Variants in TRAPPC10 observed in about 807,000 individuals in gnomAD.
The protein encoded by TRAPPC10 is trafficking protein particle complex subunit 10.
Under a neutral mutation model 125.5 loss-of-function variants are expected in TRAPPC10, and 23 were observed. The observed-to-expected ratio is 0.18, with a 90% CI of 0.13 to 0.26. The LOEUF (loss-of-function observed/expected upper bound fraction) is 0.26, where lower values mean the gene tolerates loss of function less well. Ranked by LOEUF, TRAPPC10 falls within the 10% of genes least tolerant of loss-of-function variation. The pLI is 1.00. For missense variants in TRAPPC10, 1,123 were observed against 1,308.4 expected, an observed-to-expected ratio of 0.86 and a Z score of 2.19; for synonymous variants, 509 against 518.0, an observed-to-expected ratio of 0.98 and a Z score of 0.24.
chr21:44,012,364 A>G lies in TRAPPC10; in HGVS notation c.-130A>G. On this transcript the variant is annotated 5_prime_UTR_variant, in exon 1 of 23. Coordinates refer to ENST00000291574, the MANE Select transcript of TRAPPC10 (RefSeq NM_003274.5). ...CAGCAGCGGGCGGCAGCTGCGGCGC[A>G]ACCGGCTCCGGAGCTGCCTGGCGCG... The G allele has an allele frequency of 2.8e-6, 1 of 360,120 alleles. No homozygotes were observed. Among genetic ancestry groups the G allele is most frequent in the Non-Finnish European group, 3.9e-6 (1 of 258,590 alleles). The allele number at this position is 360,120 out of a possible 1,614,324, so 22.3% of individuals were successfully genotyped here. A position where few individuals can be genotyped will look rare whatever the true frequency, so the allele number is the denominator to read the frequency against.
rs943221945 is a variant in TRAPPC10 at position 44,041,361 on chromosome 21, ATAT to A, written c.285+3437_285+3439del. Among the ~76,000 whole-genome samples the A allele has an allele frequency of 4.8e-4, 73 of 152,098 alleles. 1 individual carries two copies. In the Middle Eastern group the frequency reaches 0.021, roughly 43 times the overall value. On this transcript the variant is annotated intron_variant, in intron 3 of 22. Transcript: ENST00000291574. ...TTGTAAAACTTACTTTCATTGAGGT[ATAT>A]TAAGTGGTCTTTCTTTACTTTTTTT...
At chr21:44,055,989 C>G in intron 5 of TRAPPC10, 96 bp downstream of exon 5, 1 of 1,117,364 alleles carries the variant, frequency 8.9e-7, no homozygotes, top group East Asian at 2.4e-5. Flanking sequence ...AGGCACCTCT[C>G]GTGGTAATCT....
intron 1 of TRAPPC10, 76 bp downstream of exon 1, chr21:44,012,636 C>T (rs2031250526): frequency 1.5e-6 from 2 of 1,345,794 alleles, no homozygotes; most frequent in South Asian, 1.3e-5. Context: ...CCCGGCGCCC[C>T]CAGACCTTCA....
At chr21:44,068,502 T>G (rs1368852756) in intron 7 of TRAPPC10, among the ~76,000 whole-genome samples, 1 of 152,094 alleles carries the variant, frequency 6.6e-6, no homozygotes, top group Non-Finnish European at 1.5e-5. Flanking sequence ...TAGGACCTAG[T>G]GAGGCAGAGG....
At position 44,079,592 on chromosome 21, in the gene TRAPPC10, A is replaced by G; in HGVS notation, c.1498A>G (p.Ile500Val). Residue 500 changes from isoleucine to valine, a missense_variant, in exon 12 of 23, where the codon ATC (isoleucine) becomes GTC (valine). By Grantham distance (29) the Ile-to-Val change is conservative (BLOSUM62 3). Coordinates refer to ENST00000291574, the MANE Select transcript of TRAPPC10 (RefSeq NM_003274.5). The part of the protein sequence containing the change: ...MRKKAPQKAE[I>V]YLQGALKNYL... Reference sequence around the variant, plus strand: ...GAAAAAGGCTCCACAAAAGGCAGAAATCTATCTTCAAGGAGCACTGAAAAA... The same window carrying G: ...GAAAAAGGCTCCACAAAAGGCAGAAGTCTATCTTCAAGGAGCACTGAAAAA... The G allele has an allele frequency of 1.9e-6, 3 of 1,602,098 alleles. No individual in the cohort carries two copies. Among genetic ancestry groups the G allele is most frequent in the Non-Finnish European group, 2.5e-6 (3 of 1,177,278 alleles).
At chr21:44,093,856 T>A (rs1027408975) in intron 19 of TRAPPC10, among the ~76,000 whole-genome samples, 1 of 152,230 alleles carries the variant, frequency 6.6e-6, no homozygotes. Context: ...TGTACAATCT[T>A]CTGCTGGGAC....
rs548541789 is a variant in TRAPPC10, at chr21:44,072,624, C to T, written c.1039-1700C>T. On this transcript the variant is annotated intron_variant, in intron 7 of 22. Coordinates refer to ENST00000291574, the MANE Select transcript of TRAPPC10 (RefSeq NM_003274.5). ...GATTACAGGTGCATGCCACCACACC[C>T]GGCTAATTTTTGTATTTTTAGTAGA... is the stretch of plus-strand genomic sequence containing the variant. 7.9e-5 allele frequency among the ~76,000 whole-genome samples: 12 copies of T among 152,216 alleles called. No individual in the cohort carries two copies. In the South Asian group the frequency reaches 1.7e-3, roughly 21 times the overall value.
At chr21:44,067,043 TTTCA>T (rs1380949523) in intron 7 of TRAPPC10, among the ~76,000 whole-genome samples, 2 of 152,182 alleles carry the variant, frequency 1.3e-5, no homozygotes, top group African/African-American at 2.4e-5. Context: ...TTGGAATGTG[TTTCA>T]TTCAGCGTTT....
intron 4 of TRAPPC10, among the ~76,000 whole-genome samples, chr21:44,054,942 G>A (rs973955313): frequency 1.3e-5 from 2 of 152,120 alleles, no homozygotes; most frequent in Non-Finnish European, 2.9e-5. Context: ...AGAGGAGAGC[G>A]GGAGAAGGTC....
intron 11 of TRAPPC10, among the ~76,000 whole-genome samples, chr21:44,078,954 A>C (rs1252377475): frequency 6.6e-6 from 1 of 152,156 alleles, no homozygotes; most frequent in Non-Finnish European, 1.5e-5. Flanking sequence ...TTTAAAAAAA[A>C]CAGTTGTGCT....
chr21:44,046,522 TGGG>T (rs35262400), intron 3 of TRAPPC10: 97 of 163,066 alleles, frequency 5.9e-4, no homozygotes, highest in African/African-American at 1.8e-3. Flanking sequence ...TTTTTTTTTT[TGGG>T]GGGAGGATTG....
intron 19 of TRAPPC10, among the ~76,000 whole-genome samples, chr21:44,093,596 A>G (rs2038729700): frequency 6.6e-6 from 1 of 152,134 alleles, no homozygotes; most frequent in South Asian, 2.1e-4. Context: ...TGTCTCTACT[A>G]GAATACAAAA....
intron 7 of TRAPPC10, among the ~76,000 whole-genome samples, chr21:44,072,357 C>T (rs952665035): frequency 2.0e-5 from 3 of 152,198 alleles, no homozygotes; most frequent in Middle Eastern, 3.2e-3. Context: ...GCCGCGGCTC[C>T]GCTGCTGTGG....
chr21:44,032,129 A>C lies in TRAPPC10; in HGVS notation c.106A>C (p.Thr36Pro). ...GAATTTATTTACCTCTGTTTATCCA[A>C]CGCTCTCTCAGCAGCTTCCAAGAGA... ...DQNLFTSVYPTLSQQLPREPM... is the reference protein window; with the variant it reads ...DQNLFTSVYPPLSQQLPREPM... The change falls in exon 2 of 23, where the codon ACG (threonine) becomes CCG (proline). Residue 36 changes from threonine (T) to proline (P), a missense_variant. Physicochemically the swap from Thr to Pro is conservative, Grantham distance 38. Around this residue, in one of 4 missense-constraint regions of TRAPPC10, gnomAD observed 177 missense variants for 228.9 expected, o/e 0.77. Transcript: ENST00000291574. The C allele has an allele frequency of 6.2e-7, 1 of 1,613,984 alleles. No homozygotes were observed. Among genetic ancestry groups the C allele is most frequent in the East Asian group, 2.2e-5 (1 of 44,864 alleles).
At chr21:44,089,213 C>G in intron 17 of TRAPPC10, 1 of 328,864 alleles carries the variant, frequency 3.0e-6, no homozygotes, top group Non-Finnish European at 6.0e-6. Context: ...CCGTGTTATC[C>G]TCTCTTCCCT....
At chr21:44,018,103 G>A (rs932352123) in intron 1 of TRAPPC10, among the ~76,000 whole-genome samples, 1 of 151,266 alleles carries the variant, frequency 6.6e-6, no homozygotes, top group African/African-American at 2.4e-5. Context: ...AGAGTTTCTA[G>A]TAAGTTCTTT....
intron 11 of TRAPPC10, 73 bp from the exon 12 acceptor site, chr21:44,079,491 C>A: frequency 1.3e-6 from 2 of 1,515,238 alleles, no homozygotes; most frequent in South Asian, 2.7e-5. Flanking sequence ...GAGGCCAAAG[C>A]GGGAGAGATG....
In TRAPPC10 at chr21:44,063,262, G is replaced by C. The variant is rs1194183961; in HGVS notation, c.791-276G>C. The C allele has an allele frequency of 5.6e-6, 7 of 1,254,286 alleles. No individual in the cohort carries two copies. The South Asian group carries it at 7.7e-5, about 14-fold the overall frequency. The allele number at this position is 1,254,286 out of a possible 1,614,324, so 77.7% of individuals were successfully genotyped here. A position where few individuals can be genotyped will look rare whatever the true frequency, so the allele number is the denominator to read the frequency against. On this transcript the variant is annotated intron_variant, in intron 6 of 22. Coordinates refer to ENST00000291574, the MANE Select transcript of TRAPPC10 (RefSeq NM_003274.5). This position sits in a 1 kb window ranked among gnomAD's most constrained non-coding sequence, Gnocchi z 4.4. ...CTGAGCTCCCCTAACCATGTAGCCTGTCTGTCTCTGGGTGACTTCCCAACC... is the reference window on the plus strand; with the variant it reads ...CTGAGCTCCCCTAACCATGTAGCCTCTCTGTCTCTGGGTGACTTCCCAACC...
chr21:44,061,881 T>A (rs547793749), intron 6 of TRAPPC10, among the ~76,000 whole-genome samples: 28 of 152,354 alleles, frequency 1.8e-4, no homozygotes, highest in African/African-American at 6.7e-4. Flanking sequence ...AAGCTGCGTT[T>A]AACCTATACA....
Sources: gnomAD v4.1 joint callset for allele counts (sites outside exome capture counted in the v4.1 genomes callset) on GRCh38, gnomAD v4.1.1 for gene constraint, gnomAD v4.1.1 regional missense constraint, Gnocchi (gnomAD v3.1) non-coding constraint, MANE v1.5 for transcripts, NCBI Gene and HGNC (gene_info 2026-07-23, HGNC 2026-07-21) for gene names.